AMZ2: variants seen among roughly 807,000 people sequenced by gnomAD.
AMZ2 encodes the protein archaemetzincin-2.
AMZ2 carries 26 observed loss-of-function variants against 36.7 expected under a neutral mutation model. The observed-to-expected ratio is 0.71, with a 90% confidence interval of 0.52 to 0.98. AMZ2 has a LOEUF of 0.98. AMZ2 is among the 50% of genes least tolerant of loss of function. The pLI, the probability that AMZ2 is intolerant of heterozygous loss-of-function variation, is 0.00. For missense variants in AMZ2, 394 were observed against 430.5 expected (o/e 0.92, Z 0.75); for synonymous variants, 144 against 149.1 (o/e 0.97, Z 0.25).
At chr17:68,237,896 G>A (rs1555733088) in intron 1 of AMZ2, among the ~76,000 whole-genome samples, 1 of 152,160 alleles carries the variant, frequency 6.6e-6, no homozygotes, top group East Asian at 1.9e-4. Flanking sequence ...AGTCTAAAAG[G>A]ACACAGAGGA....
intron 1 of AMZ2, among the ~76,000 whole-genome samples, chr17:68,232,562 T>C (rs1369603406): frequency 6.6e-6 from 1 of 151,068 alleles, no homozygotes; most frequent in Non-Finnish European, 1.5e-5. Flanking sequence ...ACCTTTGGGC[T>C]GGGTGTGGTT....
At chr17:68,213,165 GA>G (rs1167335969) in intron 1 of AMZ2, among the ~76,000 whole-genome samples, 2 of 152,172 alleles carry the variant, frequency 1.3e-5, no homozygotes, top group Non-Finnish European at 2.9e-5. Flanking sequence ...CTTACCTGGT[GA>G]AAAAAATGAT....
At chr17:68,221,924 G>A (rs1380164036) in intron 1 of AMZ2, among the ~76,000 whole-genome samples, 1 of 152,106 alleles carries the variant, frequency 6.6e-6, no homozygotes, top group Non-Finnish European at 1.5e-5. Context: ...AGAATGACAC[G>A]ACCTCAGCGG....
intron 1 of AMZ2, among the ~76,000 whole-genome samples, chr17:68,232,794 A>C (rs2073696783): frequency 6.6e-6 from 1 of 152,104 alleles, no homozygotes; most frequent in Non-Finnish European, 1.5e-5. Flanking sequence ...CAGTGAGCTG[A>C]GATTGCACCA....
intron 1 of AMZ2, among the ~76,000 whole-genome samples, chr17:68,236,668 C>A (rs1205915601): frequency 6.7e-6 from 1 of 149,648 alleles, no homozygotes; most frequent in African/African-American, 2.5e-5. Context: ...GTCTCCCAGG[C>A]TCAGGTGATT....
rs111965138 is a variant in AMZ2 at position 68,230,812 on chromosome 17, C to T, written c.-66-17828C>T. On this transcript the variant is annotated intron_variant, in intron 1 of 7. Coordinates refer to the AMZ2 transcript ENST00000674770. ...GAGGGAAAGGTAGCCATTTGGGCTA[C>T]GTTTGATAAATGAGAAAGCTGAGTC... Among the ~76,000 whole-genome samples the T allele has an allele frequency of 8.0e-3, 1,210 of 152,172 alleles. 14 individuals carry two copies. The highest frequency in any genetic ancestry group is 0.028 in the African/African-American group (1,152 of 41,506).
chr17:68,232,471 G>A (rs2073688806), intron 1 of AMZ2, among the ~76,000 whole-genome samples: 1 of 150,166 alleles, frequency 6.7e-6, no homozygotes, highest in African/African-American at 2.5e-5. Context: ...ACTCGAGCCT[G>A]GGTGACAGAA....
upstream of AMZ2, among the ~76,000 whole-genome samples, chr17:68,245,517 G>A (rs1555735081): frequency 6.6e-6 from 1 of 151,814 alleles, no homozygotes; most frequent in Non-Finnish European, 1.5e-5. Context: ...GCCTCCCAAA[G>A]TGCTGGGATC....
intron 1 of AMZ2, among the ~76,000 whole-genome samples, chr17:68,223,919 T>A: frequency 1.4e-5 from 2 of 141,402 alleles, no homozygotes; most frequent in African/African-American, 2.7e-5. Context: ...AAACGGAGTC[T>A]CGCTCTGTCG....
chr17:68,247,526 C>G, upstream of AMZ2: 1 of 679,998 alleles, frequency 1.5e-6, no homozygotes, highest in Non-Finnish European at 1.8e-6. Flanking sequence ...GCCACGAGGA[C>G]GCGCCCCACA....
intron 1 of AMZ2, among the ~76,000 whole-genome samples, chr17:68,218,376 G>C (rs2073257041): frequency 1.3e-5 from 2 of 151,414 alleles, no homozygotes; most frequent in Non-Finnish European, 2.9e-5. Context: ...TTTTTGTAGA[G>C]ACAGAGTCTC....
At chr17:68,228,955 C>T (rs148838022) in intron 1 of AMZ2, among the ~76,000 whole-genome samples, 3 of 152,362 alleles carry the variant, frequency 2.0e-5, no homozygotes, top group African/African-American at 7.2e-5. Flanking sequence ...GTCTTCAGTG[C>T]CCTGAAGTCA....
At chr17:68,247,865 T>A, upstream of AMZ2, 1 of 985,500 alleles carries the variant, frequency 1.0e-6, no homozygotes, top group Non-Finnish European at 1.2e-6. Flanking sequence ...CTACCCTCTA[T>A]TCTGGAAGAG....
intron 1 of AMZ2, among the ~76,000 whole-genome samples, chr17:68,233,248 C>T (rs1327142750): frequency 6.6e-6 from 1 of 152,158 alleles, no homozygotes; most frequent in Non-Finnish European, 1.5e-5. Context: ...GTGGCTCACG[C>T]CTGTAATCCC....
intron 1 of AMZ2, among the ~76,000 whole-genome samples, chr17:68,212,087 T>C (rs782206427): frequency 6.6e-6 from 1 of 152,126 alleles, no homozygotes; most frequent in Non-Finnish European, 1.5e-5. Flanking sequence ...TAACATGTTT[T>C]TGGCCAGGTG....
chr17:68,221,223 C>A (rs1306601341), intron 1 of AMZ2, among the ~76,000 whole-genome samples: 1 of 75,448 alleles, frequency 1.3e-5, no homozygotes, highest in African/African-American at 5.3e-5. Context: ...CCCCCCGCCC[C>A]CCCGGTAGCT....
intron 1 of AMZ2, chr17:68,248,997 C>G: frequency 9.8e-7 from 1 of 1,025,202 alleles, no homozygotes; most frequent in Non-Finnish European, 1.2e-6. Context: ...CAACTTTTTC[C>G]TTAATTCAAA....
upstream of AMZ2, among the ~76,000 whole-genome samples, chr17:68,246,380 T>TA (rs1391713342): frequency 6.6e-6 from 1 of 151,606 alleles, no homozygotes; most frequent in Non-Finnish European, 1.5e-5. Flanking sequence ...GTAATAATAA[T>TA]AAAAAAAGAT....
chr17:68,242,260 T>A (rs1334961096), intron 1 of AMZ2, among the ~76,000 whole-genome samples: 1 of 152,172 alleles, frequency 6.6e-6, no homozygotes, highest in African/African-American at 2.4e-5. Flanking sequence ...CAGGGTCATT[T>A]GTATATTTAG....
Sources: allele counts gnomAD v4.1 joint callset (sites outside exome capture counted in the v4.1 genomes callset), GRCh38; gene constraint gnomAD v4.1.1; transcripts MANE v1.5; gene names NCBI Gene and HGNC (gene_info 2026-07-23, HGNC 2026-07-21).